The following PGAM5 variants were observed in gnomAD, a reference collection of about 807,000 sequenced individuals.
PGAM5 encodes the protein PGAM family member 5, mitochondrial serine/threonine protein phosphatase.
Under a neutral mutation model 30.6 loss-of-function variants are expected in PGAM5, and 25 were observed. The ratio of observed to expected loss-of-function variants is 0.82; its 90% CI spans 0.60 to 1.14. The LOEUF is 1.14. Among genes scored for constraint, PGAM5 ranks in the 50% most tolerant of loss-of-function variants. The pLI is 0.00. For synonymous variants in PGAM5, 201 were observed against 179.1 expected (o/e 1.12, Z -0.98); for missense variants, 384 against 408.5 (o/e 0.94, Z 0.52).
chr12:132,716,365 G>A (rs957356644), intron 2 of PGAM5, among the ~76,000 whole-genome samples: 2 of 151,462 alleles, frequency 1.3e-5, no homozygotes, highest in Admixed American at 6.6e-5. Context: ...GATTACAGGC[G>A]TGAGCCACCA....
In PGAM5 at chr12:132,721,887, G is replaced by A. The variant is rs1425638246; in HGVS notation, c.*1059G>A. 2.0e-5 allele frequency: 3 copies of A among 152,220 alleles called. No individual in the cohort carries two copies. The highest frequency in any genetic ancestry group is 2.4e-5 in the African/African-American group (1 of 41,464). 9.4% of individuals were successfully genotyped at this position (152,220 alleles called of 1,614,324 possible). The stretch of plus-strand genomic sequence containing the variant: ...CAAAGTGCTGGGATTAAAGGTGTGA[G>A]CCATCGTGCCTGGCCTAAAAAATTT... On this transcript the variant is annotated 3_prime_UTR_variant, in exon 6 of 6. Transcript: ENST00000498926.
At position 132,720,774 on chromosome 12, in the gene PGAM5, C is replaced by T; in HGVS notation, c.816C>T (p.Leu272=). 3.3e-6 allele frequency: 5 copies of T among 1,536,464 alleles called. No homozygotes were observed. The highest frequency in any genetic ancestry group is 4.4e-6 in the Non-Finnish European group (5 of 1,146,882). ...LVIRPNGRVA[L]RTLGDTGFMP... ...TCCGACCCAACGGCCGAGTTGCGCT[C>T]AGGACCCTCGGGGACACGGGGTTCA... The change falls in exon 6 of 6, where the codon CTC becomes CTT. Residue 272 remains leucine (L), a synonymous_variant. Transcript: ENST00000498926.
intron 5 of PGAM5, among the ~76,000 whole-genome samples, chr12:132,719,495 G>T (rs745822258): frequency 6.6e-6 from 1 of 152,216 alleles, no homozygotes; most frequent in Non-Finnish European, 1.5e-5. Context: ...GTGAGTACCT[G>T]TTTGCTGTGA....
chr12:132,711,950 G>A (rs2043527071), intron 1 of PGAM5, among the ~76,000 whole-genome samples: 1 of 152,054 alleles, frequency 6.6e-6, no homozygotes, highest in Non-Finnish European at 1.5e-5. Flanking sequence ...TGTTTCTGTC[G>A]GCCAGGACTG....
chr12:132,716,770 T>C (rs1407174965), intron 2 of PGAM5, among the ~76,000 whole-genome samples: 1 of 152,206 alleles, frequency 6.6e-6, no homozygotes, highest in African/African-American at 2.4e-5. Context: ...TTCATGCACA[T>C]ACTAAAAGTT....
At chr12:132,713,789 T>C (rs1426747903) in intron 1 of PGAM5, among the ~76,000 whole-genome samples, 1 of 151,974 alleles carries the variant, frequency 6.6e-6, no homozygotes, top group Non-Finnish European at 1.5e-5. Flanking sequence ...CACCTCAGCC[T>C]CCTGAGTAGC....
At chr12:132,718,391 G>GT (rs1208891110) in intron 5 of PGAM5, among the ~76,000 whole-genome samples, 233 of 85,166 alleles carry the variant, frequency 2.7e-3, no homozygotes, top group Middle Eastern at 0.012. Flanking sequence ...CTGGGTGGGG[G>GT]GTCCTGAGTG....
chr12:132,720,540 C>G, intron 5 of PGAM5, 138 bp from the exon 6 acceptor site: 2 of 812,810 alleles, frequency 2.5e-6, no homozygotes, highest in Non-Finnish European at 3.7e-6. Flanking sequence ...ATCTCCTGAC[C>G]TTGTGATCCA....
At chr12:132,716,805 GTCC>G (rs1433739867) in intron 2 of PGAM5, among the ~76,000 whole-genome samples, 2 of 152,346 alleles carry the variant, frequency 1.3e-5, no homozygotes, top group Non-Finnish European at 2.9e-5. Flanking sequence ...GTGCAGGGCT[GTCC>G]TCCACAGACG....
intron 2 of PGAM5, 102 bp from the exon 3 acceptor site, chr12:132,717,337 T>TGTTTGCGGGCGGAGGAGGGGGA (rs2043589219): frequency 8.9e-7 from 1 of 1,119,668 alleles, no homozygotes; most frequent in Non-Finnish European, 1.2e-6. Context: ...GAGGAGGGGG[T>TGTTTGCGGGCGGAGGAGGGGGA]GTTTGAGGGT....
Position 132,714,964 on chromosome 12 carries a change from A to G in PGAM5, c.298A>G (p.Ile100Val), listed in dbSNP as rs760348482. ...DHYKAKATRH[I>V]FLIRHSQYHV... is the part of the protein sequence containing the mutation. The stretch of plus-strand genomic sequence containing the variant: ...CTACAAAGCCAAGGCCACGCGGCAC[A>G]TCTTCCTCATCAGGCATTCCCAGTA... The change falls in exon 2 of 6, where the codon ATC becomes GTC. Residue 100 changes from isoleucine (I) to valine (V), a missense_variant. By Grantham distance (29) the Ile-to-Val change is conservative. Transcript: ENST00000498926. The G allele has an allele frequency of 4.3e-6, 7 of 1,613,432 alleles. No homozygotes were observed. The highest frequency in any genetic ancestry group is 3.3e-5 in the Admixed American group (2 of 60,002).
chr12:132,718,069 G>C lies in PGAM5; in HGVS notation c.668G>C (p.Ser223Thr), dbSNP rs763653468. The C allele has an allele frequency of 5.1e-5, 83 of 1,612,732 alleles. No homozygotes were observed. Among genetic ancestry groups the C allele is most frequent in the South Asian group, 8.8e-5 (8 of 91,090 alleles). Residue 223 changes from serine (S) to threonine (T), a missense_variant, in exon 5 of 6, where the codon AGT becomes ACT. Transcript: ENST00000498926. ...GCAGATGCCAGGCAGGAGGAGGACA[G>C]TTACGAGATCTTCATCTGTCACGCC... ...HRADARQEED[S>T]YEIFICHANV...
chr12:132,712,961 C>T (rs1312619457), intron 1 of PGAM5, among the ~76,000 whole-genome samples: 1 of 151,814 alleles, frequency 6.6e-6, no homozygotes, highest in Non-Finnish European at 1.5e-5. Flanking sequence ...AGTTCGAGAC[C>T]AGCCTGACCA....
chr12:132,716,445 G>A lies in PGAM5; in HGVS notation c.371-994G>A, dbSNP rs530294254. ...GGGGTTTCACCATATTGGCCAGGCT[G>A]GTCTCAAACTCCTGACCTCGTAATC... On this transcript the variant is annotated intron_variant, in intron 2 of 5. Transcript: ENST00000498926. 7.3e-5 allele frequency among the ~76,000 whole-genome samples: 11 copies of A among 151,360 alleles called. No homozygotes were observed. The East Asian group carries it at 7.8e-4, about 11-fold the overall frequency.
intron 2 of PGAM5, among the ~76,000 whole-genome samples, chr12:132,716,004 T>C (rs2043573962): frequency 6.6e-6 from 1 of 152,198 alleles, no homozygotes; most frequent in Admixed American, 6.5e-5. Flanking sequence ...GCGTGGCTTG[T>C]GCCCTCGGCT....
chr12:132,718,821 T>G (rs755888870), intron 5 of PGAM5: 2 of 1,613,510 alleles, frequency 1.2e-6, no homozygotes, highest in South Asian at 2.2e-5. Context: ...CCTCTTTCAC[T>G]TGCTGATCTG....
Position 132,720,829 on chromosome 12 carries a change from G to T in PGAM5, c.*1G>T. ...TCCCGACAAGATCACTCGATCCTGA[G>T]GGCTCCGGCCTCTCCTTCCCTCTGT... On this transcript the variant is annotated 3_prime_UTR_variant, in exon 6 of 6. Coordinates refer to ENST00000498926, the MANE Select transcript of PGAM5 (RefSeq NM_001170543.2). 1 of 1,536,054 alleles carries T rather than the reference G, an allele frequency of 6.5e-7. No individual in the cohort carries two copies.
In PGAM5 at chr12:132,721,025, C is replaced by G; in HGVS notation, c.*197C>G. The G allele has an allele frequency of 1.6e-6, 1 of 628,196 alleles. No individual in the cohort carries two copies. The allele number at this position is 628,196 out of a possible 1,614,324, so 38.9% of individuals were successfully genotyped here. A position where few individuals can be genotyped will look rare whatever the true frequency, so the allele number is the denominator to read the frequency against. On this transcript the variant is annotated 3_prime_UTR_variant, in exon 6 of 6. Transcript: ENST00000498926. Reference sequence around the variant, plus strand: ...AGGGTTTTATACCTGACCATGAACCCCCAGGATGGCGTGGGGTTTAAGGTG... The same window carrying G: ...AGGGTTTTATACCTGACCATGAACCGCCAGGATGGCGTGGGGTTTAAGGTG...
At chr12:132,712,699 T>G (rs2043534839) in intron 1 of PGAM5, among the ~76,000 whole-genome samples, 1 of 151,580 alleles carries the variant, frequency 6.6e-6, no homozygotes, top group African/African-American at 2.4e-5. Flanking sequence ...TAGGTGATCC[T>G]CCCACCTCGG....
Sources: allele counts gnomAD v4.1 joint callset (sites outside exome capture counted in the v4.1 genomes callset), GRCh38; gene constraint gnomAD v4.1.1; transcripts MANE v1.5; gene names NCBI Gene and HGNC (gene_info 2026-07-23, HGNC 2026-07-21).